PPARG: variants seen among roughly 807,000 people sequenced by gnomAD.
PPARG encodes the protein peroxisome proliferator activated receptor gamma, also known as peroxisome proliferator-activated receptor gamma.
In PPARG, 17 loss-of-function variants were observed where a neutral mutation model predicts 39.2. The ratio of observed to expected loss-of-function variants is 0.43; its 90% CI spans 0.30 to 0.65. The LOEUF (loss-of-function observed/expected upper bound fraction) is 0.65. Ranked by LOEUF, PPARG falls within the 30% of genes least tolerant of loss-of-function variation. The probability of loss-of-function intolerance (pLI) is 0.13; values close to 1 mark genes in which losing one functional copy is unlikely to be tolerated. For synonymous variants in PPARG, 223 were observed against 215.7 expected, an observed-to-expected ratio of 1.03 and a Z score of -0.30; for missense variants, 406 against 585.9, an observed-to-expected ratio of 0.69 and a Z score of 3.17.
chr3:12,394,977 C>T (rs986730198), intron 5 of PPARG, among the ~76,000 whole-genome samples: 3 of 152,168 alleles, frequency 2.0e-5, no homozygotes, highest in Admixed American at 1.3e-4. Flanking sequence ...TACTCCATTC[C>T]GTGTTAACCT....
At chr3:12,377,670 G>A (rs1209009558) in intron 2 of PPARG, among the ~76,000 whole-genome samples, 1 of 152,110 alleles carries the variant, frequency 6.6e-6, no homozygotes, top group African/African-American at 2.4e-5. Flanking sequence ...TCATCCTAAA[G>A]AGAAAAATAT....
intron 2 of PPARG, among the ~76,000 whole-genome samples, chr3:12,314,864 TG>T (rs1186975615): frequency 1.3e-5 from 2 of 152,244 alleles, no homozygotes; most frequent in Non-Finnish European, 2.9e-5. Flanking sequence ...CATATTTATG[TG>T]GTACAGTGTG....
chr3:12,409,250 G>T (rs1363519298), intron 6 of PPARG, among the ~76,000 whole-genome samples: 1 of 152,176 alleles, frequency 6.6e-6, no homozygotes, highest in Non-Finnish European at 1.5e-5. Flanking sequence ...TGATGATCTG[G>T]ATTCAGGCAG....
At chr3:12,389,567 G>GA (rs2049995775) in intron 4 of PPARG, among the ~76,000 whole-genome samples, 2 of 152,174 alleles carry the variant, frequency 1.3e-5, no homozygotes, top group Non-Finnish European at 2.9e-5. Flanking sequence ...AGTGTTAAGA[G>GA]AAAATGACTG....
chr3:12,397,147 T>C (rs2050291935), intron 5 of PPARG, among the ~76,000 whole-genome samples: 1 of 151,918 alleles, frequency 6.6e-6, no homozygotes, highest in Admixed American at 6.6e-5. Context: ...GGATGTCTTA[T>C]TATATAAATG....
intron 2 of PPARG, among the ~76,000 whole-genome samples, chr3:12,357,027 G>C (rs1041537537): frequency 2.0e-5 from 3 of 151,908 alleles, no homozygotes; most frequent in Non-Finnish European, 4.4e-5. Flanking sequence ...TCTCTCTTCT[G>C]CCGCTTCCAC....
At position 12,366,457 on chromosome 3, in the gene PPARG, T is replaced by G. The variant is rs2049020512; in HGVS notation, c.-8-13247T>G. 3.9e-5 allele frequency among the ~76,000 whole-genome samples: 6 copies of G among 152,138 alleles called. No homozygotes were observed. The South Asian group carries it at 1.0e-3, about 26-fold the overall frequency. On this transcript the variant is annotated intron_variant, in intron 2 of 7. Coordinates refer to ENST00000651735, the MANE Select transcript of PPARG (RefSeq NM_138711.6). The stretch of plus-strand genomic sequence containing the variant: ...ATTTCCTTTTCTTGTCTTGTTACGT[T>G]AGCTAAGACTTCTAGTATGATGTTG...
Position 12,392,757 on chromosome 3 carries a change from G to A in PPARG, c.529+5G>A. 1 of 1,613,610 alleles carries A rather than the reference G, an allele frequency of 6.2e-7. No individual in the cohort carries two copies. Among genetic ancestry groups the A allele is most frequent in the East Asian group, 2.2e-5 (1 of 44,852 alleles). ...CAGTGGGGATGTCTCATAATGGTAA[G>A]TAAACAGTCATCACCATATACTTTA... On this transcript the variant is annotated splice_donor_5th_base_variant and intron_variant, in intron 5 of 7. Transcript: ENST00000651735.
intron 7 of PPARG, among the ~76,000 whole-genome samples, chr3:12,430,687 G>A (rs1331551794): frequency 1.3e-5 from 2 of 152,128 alleles, no homozygotes; most frequent in African/African-American, 2.4e-5. Flanking sequence ...TGTTTATAGG[G>A]TGCTATGAGG....
intron 2 of PPARG, among the ~76,000 whole-genome samples, chr3:12,335,856 T>G (rs966120767): frequency 6.6e-6 from 1 of 151,726 alleles, no homozygotes; most frequent in Non-Finnish European, 1.5e-5. Context: ...AAAACAAGAA[T>G]GGCAGCACTG....
intron 2 of PPARG, among the ~76,000 whole-genome samples, chr3:12,347,354 G>T (rs1024814064): frequency 3.3e-5 from 5 of 152,086 alleles, no homozygotes. Context: ...TCCAAAAGGG[G>T]CACAGATACA....
At chr3:12,351,163 T>C (rs988100554) in intron 2 of PPARG, among the ~76,000 whole-genome samples, 10 of 152,214 alleles carry the variant, frequency 6.6e-5, no homozygotes, top group African/African-American at 1.9e-4. Context: ...ATTTAAGTTT[T>C]CCATTTAAGA....
chr3:12,300,778 A>G (rs1487887198), intron 1 of PPARG, among the ~76,000 whole-genome samples: 1 of 152,200 alleles, frequency 6.6e-6, no homozygotes, highest in East Asian at 1.9e-4. Context: ...GGAAAATTCC[A>G]TGTACCAAGC....
chr3:12,387,565 G>T (rs543346764), intron 4 of PPARG, among the ~76,000 whole-genome samples: 1 of 152,092 alleles, frequency 6.6e-6, no homozygotes, highest in African/African-American at 2.4e-5. Context: ...TTTTGATGGG[G>T]TTGTTTTTTT....
chr3:12,359,085 A>G (rs923440936), intron 2 of PPARG, among the ~76,000 whole-genome samples: 1 of 152,180 alleles, frequency 6.6e-6, no homozygotes, highest in African/African-American at 2.4e-5. Flanking sequence ...TAAAGTACTT[A>G]CTATCTCTAT....
chr3:12,307,235 T>G (rs1317185221), intron 1 of PPARG, among the ~76,000 whole-genome samples: 1 of 151,682 alleles, frequency 6.6e-6, no homozygotes, highest in Non-Finnish European at 1.5e-5. Flanking sequence ...TAGCAAATTT[T>G]GTCAGTGTTG....
chr3:12,337,976 G>A (rs186723164), intron 2 of PPARG, among the ~76,000 whole-genome samples: 72 of 152,170 alleles, frequency 4.7e-4, no homozygotes, highest in Middle Eastern at 6.8e-3. Context: ...TATCCACAAC[G>A]TCCTGGAACC....
In PPARG at chr3:12,415,373, C is replaced by T. The variant is rs924392132; in HGVS notation, c.730-1331C>T. ...CAGAACCAAAGCTGGAACACACATA[C>T]CCTCAGCTCTTCTTCCAGTGCTTTC... On this transcript the variant is annotated intron_variant, in intron 6 of 7. Transcript: ENST00000651735. 3.3e-5 allele frequency among the ~76,000 whole-genome samples: 5 copies of T among 152,308 alleles called. No homozygotes were observed. In the South Asian group the frequency reaches 1.0e-3, roughly 32 times the overall value.
chr3:12,413,378 G>A (rs966867776), intron 6 of PPARG, among the ~76,000 whole-genome samples: 5 of 152,176 alleles, frequency 3.3e-5, no homozygotes, highest in African/African-American at 1.2e-4. Flanking sequence ...AATCTATGCA[G>A]CCTTCGGAAA....
Sources: gnomAD v4.1 joint callset for allele counts (sites outside exome capture counted in the v4.1 genomes callset) on GRCh38, gnomAD v4.1.1 for gene constraint, MANE v1.5 for transcripts, NCBI Gene and HGNC (gene_info 2026-07-23, HGNC 2026-07-21) for gene names.